The following VSIG1 variants were observed in gnomAD, a reference collection of about 807,000 sequenced individuals.
The protein encoded by VSIG1 is V-set and immunoglobulin domain-containing protein 1.
Under a neutral mutation model 20.1 loss-of-function variants are expected in VSIG1, and 11 were observed. The observed-to-expected ratio is 0.55, with a 90% CI of 0.34 to 0.91. The LOEUF (loss-of-function observed/expected upper bound fraction) is 0.91, where lower values mean the gene tolerates loss of function less well. Ranked by LOEUF, VSIG1 falls within the 40% of genes least tolerant of loss-of-function variation. The pLI, the probability that VSIG1 is intolerant of heterozygous loss-of-function variation, is 0.02. For missense variants in VSIG1, 283 were observed against 298.8 expected, an observed-to-expected ratio of 0.95 and a Z score of 0.39; for synonymous variants, 126 against 116.7, an observed-to-expected ratio of 1.08 and a Z score of -0.52.
chrX:108,058,091 G>T lies in VSIG1; in HGVS notation c.103G>T (p.Val35Phe), dbSNP rs763331663. 6 of 1,207,938 alleles carry T rather than the reference G, an allele frequency of 5.0e-6. No homozygotes were observed. Among genetic ancestry groups the T allele is most frequent in the Admixed American group, 2.2e-5 (1 of 45,614 alleles). The change falls in exon 2 of 7, where the codon GTT (valine) becomes TTT (phenylalanine). Residue 35 changes from valine (V) to phenylalanine (F), a missense_variant. Val to Phe is a conservative substitution (Grantham distance 50, BLOSUM62 -1). Transcript: ENST00000217957. ...CCCAGACGGTTTCGTGAACGTGACT[G>T]TTGGATCTAATGTCACTCTCATCTG... ...TIPDGFVNVT[V>F]GSNVTLICIY... is the part of the protein sequence containing the mutation.
intron 2 of VSIG1, among the ~76,000 whole-genome samples, chrX:108,063,920 A>C (rs2031078621): frequency 9.0e-6 from 1 of 111,703 alleles, no homozygotes; most frequent in African/African-American, 3.3e-5. Flanking sequence ...CCCATTGTAC[A>C]TCCGGGGCTT....
At position 108,045,140 on chromosome X, in the gene VSIG1, G is replaced by C. The variant is rs747579950; in HGVS notation, c.10G>C (p.Ala4Pro). ...AACTAACCTCCACACAATGGTGTTC[G>C]CATTTTGGAAGGTCTTTCTGATCCT... Reference protein sequence around the residue: MVFAFWKVFLILSC... With the variant: MVFPFWKVFLILSC... Residue 4 changes from alanine to proline, a missense_variant, in exon 1 of 7, where the codon GCA (alanine) becomes CCA (proline). Transcript: ENST00000217957. 1.7e-6 allele frequency: 2 copies of C among 1,190,572 alleles called. No individual in the cohort carries two copies. The highest frequency in any genetic ancestry group is 2.3e-6 in the Non-Finnish European group (2 of 883,498).
intron 3 of VSIG1, 145 bp from the exon 4 acceptor site, chrX:108,072,532 C>T (rs2031269670): frequency 1.3e-5 from 7 of 558,641 alleles, no homozygotes; most frequent in Non-Finnish European, 1.7e-5. Context: ...GGATTACAGG[C>T]ATGAGCCACT....
At chrX:108,033,803 A>G in the VSIG1 span, among the ~76,000 whole-genome samples, 1 of 110,318 alleles carries the variant, frequency 9.1e-6, no homozygotes, top group Non-Finnish European at 1.9e-5. Context: ...GACCACAAAG[A>G]GCCAGGGAAA....
intron 5 of VSIG1, among the ~76,000 whole-genome samples, chrX:108,075,251 A>T (rs921121132): frequency 8.9e-6 from 1 of 111,996 alleles, no homozygotes; most frequent in Non-Finnish European, 1.9e-5. Flanking sequence ...CAGAGCAAAC[A>T]TAATAAAAAC....
the VSIG1 span, among the ~76,000 whole-genome samples, chrX:108,036,231 T>A: frequency 3.7e-5 from 4 of 107,190 alleles, no homozygotes; most frequent in African/African-American, 1.0e-4. Flanking sequence ...ATAGGACCAG[T>A]CAAAAAATAC....
chrX:108,044,864 C>T (rs1006110335), upstream of VSIG1: 1 of 257,412 alleles, frequency 3.9e-6, no homozygotes. Flanking sequence ...GTACAAGGAG[C>T]TTGAATAATT....
At chrX:108,057,870 T>C (rs2030935236) in intron 1 of VSIG1, among the ~76,000 whole-genome samples, 168 bp from the exon 2 acceptor site, 2 of 111,839 alleles carry the variant, frequency 1.8e-5, no homozygotes, top group African/African-American at 6.5e-5. Context: ...CTCCTCCCAC[T>C]ACCCCAGTGA....
At chrX:108,037,040 C>G in the VSIG1 span, among the ~76,000 whole-genome samples, 1 of 111,264 alleles carries the variant, frequency 9.0e-6, no homozygotes, top group Admixed American at 9.5e-5. Flanking sequence ...ATTTGAAGTG[C>G]CAGGGGGATC....
At chrX:108,036,399 C>G in the VSIG1 span, among the ~76,000 whole-genome samples, 1 of 110,598 alleles carries the variant, frequency 9.0e-6, no homozygotes, top group Non-Finnish European at 1.9e-5. Flanking sequence ...TTTTTCCAAG[C>G]AATCTATGAC....
chrX:108,031,156 G>A, the VSIG1 span, among the ~76,000 whole-genome samples: 2 of 111,648 alleles, frequency 1.8e-5, no homozygotes, highest in Admixed American at 1.9e-4. Flanking sequence ...CCATCCCTTA[G>A]CCACATCTGT....
chrX:108,033,437 G>A, the VSIG1 span, among the ~76,000 whole-genome samples: 1 of 112,059 alleles, frequency 8.9e-6, no homozygotes, highest in African/African-American at 3.2e-5. Context: ...TCCTCATGCT[G>A]CTGCACCCAG....
intron 1 of VSIG1, among the ~76,000 whole-genome samples, chrX:108,047,506 A>T (rs1173941741): frequency 9.1e-6 from 1 of 110,410 alleles, no homozygotes; most frequent in Admixed American, 9.8e-5. Context: ...AAGGAGTAAT[A>T]TATTTGAACT....
intron 3 of VSIG1, among the ~76,000 whole-genome samples, chrX:108,071,892 C>CAAAAAAAAAAAAAAAAA (rs1203449181): frequency 8.3e-4 from 30 of 36,312 alleles, no homozygotes; most frequent in South Asian, 1.8e-3. Flanking sequence ...TGAACAAATG[C>CAAAAAAAAAAAAAAAAA]AAAAAAAAAA....
intron 1 of VSIG1, among the ~76,000 whole-genome samples, chrX:108,047,857 C>CATATATATACACATATATATAT (rs2030638143): frequency 3.3e-5 from 2 of 60,744 alleles, no homozygotes; most frequent in Non-Finnish European, 5.3e-5. Context: ...TATATATATA[C>CATATATATACACATATATATAT]ACATATATAT....
chrX:108,020,445 AC>A, the VSIG1 span, among the ~76,000 whole-genome samples: 14 of 111,979 alleles, frequency 1.3e-4, no homozygotes, highest in Non-Finnish European at 2.6e-4. Context: ...CCTTAAAACT[AC>A]TGTTTTGAAT....
upstream of VSIG1, among the ~76,000 whole-genome samples, chrX:108,044,159 A>T (rs923265940): frequency 1.8e-5 from 2 of 111,789 alleles, no homozygotes; most frequent in Non-Finnish European, 3.8e-5. Context: ...TTGGAGAAAG[A>T]ACACATCTGA....
At chrX:108,064,138 T>A (rs896596963) in intron 2 of VSIG1, among the ~76,000 whole-genome samples, 89 of 111,948 alleles carry the variant, frequency 8.0e-4, no homozygotes, top group African/African-American at 2.9e-3. Flanking sequence ...CTTTCTTTTT[T>A]TCTTTACAAG....
chrX:108,064,479 T>C (rs1056904996), intron 2 of VSIG1, among the ~76,000 whole-genome samples: 1 of 111,796 alleles, frequency 8.9e-6, no homozygotes, highest in Non-Finnish European at 1.9e-5. Flanking sequence ...TATGGGACTT[T>C]TACAGTGGGC....
Sources: allele counts gnomAD v4.1 joint callset (sites outside exome capture counted in the v4.1 genomes callset), GRCh38; gene constraint gnomAD v4.1.1; transcripts MANE v1.5; gene names NCBI Gene and HGNC (gene_info 2026-07-23, HGNC 2026-07-21).